The following NTM variants were observed in gnomAD, a reference collection of about 807,000 sequenced individuals.
NTM encodes the protein neurotrimin, also known as IgLON family member 2.
Under a neutral mutation model 42.1 loss-of-function variants are expected in NTM, and 13 were observed. That is an observed-to-expected ratio of 0.31 (90% CI 0.20 to 0.49). The LOEUF is 0.49. Ranked by LOEUF, NTM falls within the 20% of genes least tolerant of loss-of-function variation. The pLI is 0.99. For synonymous variants in NTM, 187 were observed against 179.2 expected, an observed-to-expected ratio of 1.04 and a Z score of -0.35; for missense variants, 373 against 452.8, an observed-to-expected ratio of 0.82 and a Z score of 1.60.
intron 2 of NTM, among the ~76,000 whole-genome samples, chr11:131,978,991 T>C (rs1254658845): frequency 6.6e-6 from 1 of 152,192 alleles, no homozygotes; most frequent in Non-Finnish European, 1.5e-5. Flanking sequence ...TCCCTTGTTT[T>C]TTAAGTGAGG....
intron 4 of NTM, among the ~76,000 whole-genome samples, chr11:132,256,606 T>C (rs2092489705): frequency 6.6e-6 from 1 of 152,090 alleles, no homozygotes; most frequent in African/African-American, 2.4e-5. Context: ...GCTTGCTGGA[T>C]GCGAGCTGGC....
At chr11:131,550,461 C>A (rs1036628805) in intron 1 of NTM, among the ~76,000 whole-genome samples, 1 of 152,140 alleles carries the variant, frequency 6.6e-6, no homozygotes, top group African/African-American at 2.4e-5. Context: ...CTGTTCTTGG[C>A]ATAGTGGGTG....
chr11:132,091,254 A>AG (rs1285751911), intron 2 of NTM, among the ~76,000 whole-genome samples: 6 of 151,924 alleles, frequency 3.9e-5, no homozygotes, highest in Non-Finnish European at 8.8e-5. Flanking sequence ...ATACAAAAAA[A>AG]CAAATTAGCT....
chr11:131,400,781 T>C (rs1945045455), intron 1 of NTM, among the ~76,000 whole-genome samples: 1 of 152,190 alleles, frequency 6.6e-6, no homozygotes, highest in Non-Finnish European at 1.5e-5. Context: ...GTGGACAATG[T>C]ACCAAAGCAT....
chr11:131,606,777 C>T (rs1301646010), intron 1 of NTM, among the ~76,000 whole-genome samples: 1 of 152,180 alleles, frequency 6.6e-6, no homozygotes, highest in Non-Finnish European at 1.5e-5. Context: ...CTATTAAACT[C>T]TCCCTGGCAG....
chr11:131,661,049 G>A, intron 1 of NTM: 4 of 1,303,510 alleles, frequency 3.1e-6, no homozygotes, highest in Non-Finnish European at 3.0e-6. Flanking sequence ...AAGGGCACAG[G>A]TAGGTGCATA....
At chr11:131,579,434 C>A (rs1489915113) in intron 1 of NTM, among the ~76,000 whole-genome samples, 1 of 152,170 alleles carries the variant, frequency 6.6e-6, no homozygotes, top group Non-Finnish European at 1.5e-5. Context: ...GTCAGGCAGT[C>A]CCCTAGAGTA....
chr11:131,674,493 T>C (rs535005866), intron 1 of NTM, among the ~76,000 whole-genome samples: 2 of 152,336 alleles, frequency 1.3e-5, no homozygotes, highest in Admixed American at 6.5e-5. Flanking sequence ...GCTGGGATGC[T>C]CTGGCCTTGA....
chr11:131,383,873 T>C (rs1176905860), intron 1 of NTM, among the ~76,000 whole-genome samples: 1 of 152,080 alleles, frequency 6.6e-6, no homozygotes, highest in Non-Finnish European at 1.5e-5. Context: ...AAAGGGAGCC[T>C]CCTAAGGGAC....
chr11:132,331,227 T>G (rs2136448692), intron 8 of NTM, among the ~76,000 whole-genome samples: 1 of 152,350 alleles, frequency 6.6e-6, no homozygotes, highest in South Asian at 2.1e-4. Flanking sequence ...TGAAGTTCAG[T>G]TTCCACATGG....
chr11:131,501,473 A>T (rs138485715), intron 1 of NTM, among the ~76,000 whole-genome samples: 221 of 152,234 alleles, frequency 1.5e-3, no homozygotes, highest in African/African-American at 4.9e-3. Context: ...TGTGAGGAGG[A>T]ACATGCAGGA....
At chr11:131,722,816 T>C (rs140759624) in intron 1 of NTM, among the ~76,000 whole-genome samples, 1 of 152,336 alleles carries the variant, frequency 6.6e-6, no homozygotes, top group African/African-American at 2.4e-5. Context: ...ATATAATATG[T>C]ATCTTTGATC....
intron 1 of NTM, among the ~76,000 whole-genome samples, chr11:131,834,023 G>A (rs2043161371): frequency 1.3e-5 from 2 of 152,206 alleles, no homozygotes; most frequent in East Asian, 3.9e-4. Context: ...CTCATGGCAT[G>A]AGGATGAGGT....
chr11:131,789,821 T>TG (rs1249345376), intron 1 of NTM, among the ~76,000 whole-genome samples: 1 of 150,516 alleles, frequency 6.6e-6, no homozygotes, highest in African/African-American at 2.4e-5. Context: ...CCGGGTGTGG[T>TG]GGCGGGAGCC....
At chr11:131,653,047 G>A (rs1019556987) in intron 1 of NTM, among the ~76,000 whole-genome samples, 1 of 152,090 alleles carries the variant, frequency 6.6e-6, no homozygotes, top group African/African-American at 2.4e-5. Flanking sequence ...CCCGCTATTT[G>A]ACGAGCTGCT....
At chr11:132,041,685 G>A (rs1417213362) in intron 2 of NTM, among the ~76,000 whole-genome samples, 1 of 152,164 alleles carries the variant, frequency 6.6e-6, no homozygotes, top group African/African-American at 2.4e-5. Flanking sequence ...GCTGATGACA[G>A]CATCTGGGTC....
rs185611844 is a variant in NTM, at chr11:131,667,229, C to T, written c.83-244335C>T. 1.2e-4 allele frequency among the ~76,000 whole-genome samples: 18 copies of T among 152,264 alleles called. No homozygotes were observed. In the East Asian group the frequency reaches 3.3e-3, roughly 28 times the overall value. On this transcript the variant is annotated intron_variant, in intron 1 of 8. Transcript: ENST00000683400. ...ATCTACAAAGCCTGTGGATCCTGGC[C>T]TCTGCTTGCTCTCCAACTCTGCTCT... is the stretch of plus-strand genomic sequence containing the variant.
intron 1 of NTM, among the ~76,000 whole-genome samples, chr11:131,551,697 T>G (rs1242122672): frequency 6.6e-6 from 1 of 152,204 alleles, no homozygotes; most frequent in African/African-American, 2.4e-5. Flanking sequence ...ACACGGGCTT[T>G]CTTCTGCCCT....
At chr11:131,598,860 C>CTTT (rs2060178039) in intron 1 of NTM, among the ~76,000 whole-genome samples, 8 of 39,174 alleles carry the variant, frequency 2.0e-4, no homozygotes, top group African/African-American at 4.5e-4. Flanking sequence ...TTCCTTCCTT[C>CTTT]CTTCCTTCCT....
Sources: gnomAD v4.1 joint callset for allele counts (sites outside exome capture counted in the v4.1 genomes callset) on GRCh38, gnomAD v4.1.1 for gene constraint, MANE v1.5 for transcripts, NCBI Gene and HGNC (gene_info 2026-07-23, HGNC 2026-07-21) for gene names.